The following SORCS2 variants were observed in gnomAD, a reference collection of about 807,000 sequenced individuals.
SORCS2 encodes the protein VPS10 domain-containing receptor SorCS2.
Under a neutral mutation model 141.6 loss-of-function variants are expected in SORCS2, and 100 were observed. The observed-to-expected ratio is 0.71, with a 90% CI of 0.60 to 0.83. The LOEUF is 0.83. Ranked by LOEUF, SORCS2 falls within the 40% of genes least tolerant of loss-of-function variation. The probability of loss-of-function intolerance (pLI) is 0.00; values close to 1 mark genes in which losing one functional copy is unlikely to be tolerated. For synonymous variants in SORCS2, 789 were observed against 676.9 expected, an observed-to-expected ratio of 1.17 and a Z score of -2.57; for missense variants, 1,646 against 1,560.2, an observed-to-expected ratio of 1.05 and a Z score of -0.93.
intron 2 of SORCS2, among the ~76,000 whole-genome samples, chr4:7,531,049 G>C (rs1373821342): frequency 6.6e-6 from 1 of 152,212 alleles, no homozygotes; most frequent in African/African-American, 2.4e-5. Context: ...GAGAGGGAAA[G>C]AGGCAAGCAG....
intron 3 of SORCS2, among the ~76,000 whole-genome samples, chr4:7,612,209 T>C (rs1211391438): frequency 6.6e-6 from 1 of 151,842 alleles, no homozygotes; most frequent in Non-Finnish European, 1.5e-5. Context: ...CTGAAAACAA[T>C]GAGATCACTC....
intron 1 of SORCS2, among the ~76,000 whole-genome samples, chr4:7,387,622 C>G (rs1467674477): frequency 6.9e-6 from 1 of 143,926 alleles, no homozygotes; most frequent in Non-Finnish European, 1.5e-5. Context: ...CACACATACA[C>G]ATTTGCACAC....
chr4:7,244,127 G>A (rs1443402712), intron 1 of SORCS2, among the ~76,000 whole-genome samples: 1 of 152,214 alleles, frequency 6.6e-6, no homozygotes, highest in Non-Finnish European at 1.5e-5. Context: ...GAAGCACATA[G>A]GAAGGGGCGG....
chr4:7,249,060 A>T (rs1687366595), intron 1 of SORCS2, among the ~76,000 whole-genome samples: 1 of 152,260 alleles, frequency 6.6e-6, no homozygotes, highest in African/African-American at 2.4e-5. Flanking sequence ...TGCAGTAACA[A>T]ACAGCCCCAA....
chr4:7,200,562 T>G (rs1727432294), intron 1 of SORCS2, among the ~76,000 whole-genome samples: 1 of 152,248 alleles, frequency 6.6e-6, no homozygotes, highest in Non-Finnish European at 1.5e-5. Context: ...TATTTGTATT[T>G]TATTTATATG....
At chr4:7,410,682 C>A (rs1725244018) in intron 2 of SORCS2, among the ~76,000 whole-genome samples, 1 of 152,232 alleles carries the variant, frequency 6.6e-6, no homozygotes, top group African/African-American at 2.4e-5. Context: ...GCTTTAACAT[C>A]ACCATGGAGA....
chr4:7,323,499 C>T (rs1002019397), intron 1 of SORCS2, among the ~76,000 whole-genome samples: 1 of 152,170 alleles, frequency 6.6e-6, no homozygotes, highest in African/African-American at 2.4e-5. Context: ...CTCCCACACC[C>T]ATGGCTCTGA....
At position 7,676,037 on chromosome 4, in the gene SORCS2, C is replaced by A. The variant is rs1723083984; in HGVS notation, c.1162-13C>A. On this transcript the variant is annotated splice_polypyrimidine_tract_variant and intron_variant, in intron 8 of 26. Transcript: ENST00000507866. ...CCTGGCTCTGACCCTGTGCTCCCTG[C>A]ACATCCCCACAGGATCTGCAGATCA... 2 of 1,569,298 alleles carry A rather than the reference C, an allele frequency of 1.3e-6. No individual in the cohort carries two copies. The highest frequency in any genetic ancestry group is 4.7e-5 in the East Asian group (2 of 42,236).
Position 7,476,776 on chromosome 4 carries a change from C to T in SORCS2, c.549-54754C>T, listed in dbSNP as rs557208430. On this transcript the variant is annotated intron_variant, in intron 2 of 26. Coordinates refer to ENST00000507866, the MANE Select transcript of SORCS2 (RefSeq NM_020777.3). ...GGCCCAGCACCTGCTCCACGCTCTCCCTCTGCTTCCATTTTCTCCACGACT... is the reference window on the plus strand; with the variant it reads ...GGCCCAGCACCTGCTCCACGCTCTCTCTCTGCTTCCATTTTCTCCACGACT... 9.8e-5 allele frequency among the ~76,000 whole-genome samples: 15 copies of T among 152,302 alleles called. No homozygotes were observed. In the South Asian group the frequency reaches 2.5e-3, roughly 25 times the overall value.
intron 3 of SORCS2, among the ~76,000 whole-genome samples, chr4:7,607,168 C>A (rs1045747811): frequency 6.6e-6 from 1 of 152,198 alleles, no homozygotes; most frequent in Non-Finnish European, 1.5e-5. Flanking sequence ...GCTTATGAAG[C>A]TGCAGGTTCC....
intron 19 of SORCS2, among the ~76,000 whole-genome samples, chr4:7,724,612 CTGGTG>C (rs1726973456): frequency 2.2e-5 from 1 of 45,672 alleles, no homozygotes; most frequent in Non-Finnish European, 4.0e-5. Flanking sequence ...GGTGATAGTG[CTGGTG>C]AGGATGGTGA....
intron 3 of SORCS2, among the ~76,000 whole-genome samples, chr4:7,551,011 C>T (rs1341246308): frequency 6.6e-6 from 1 of 152,212 alleles, no homozygotes; most frequent in African/African-American, 2.4e-5. Flanking sequence ...CAAAAGGGTG[C>T]AGTGACCGCT....
intron 1 of SORCS2, among the ~76,000 whole-genome samples, chr4:7,383,054 C>T (rs1723085676): frequency 6.6e-6 from 1 of 152,158 alleles, no homozygotes; most frequent in Non-Finnish European, 1.5e-5. Context: ...GCCATGAAGA[C>T]TCCAGCGCTT....
At chr4:7,306,671 G>T (rs1030990352) in intron 1 of SORCS2, among the ~76,000 whole-genome samples, 16 of 152,174 alleles carry the variant, frequency 1.1e-4, no homozygotes, top group African/African-American at 3.9e-4. Flanking sequence ...GAAGGAGGGT[G>T]GGAAGTGCTC....
intron 24 of SORCS2, among the ~76,000 whole-genome samples, chr4:7,733,625 C>A (rs757506509): frequency 9.2e-5 from 14 of 152,340 alleles, no homozygotes; most frequent in Non-Finnish European, 1.3e-4. Flanking sequence ...ACTGCTCTTA[C>A]CTGATACCCA....
At chr4:7,325,865 A>T (rs1290680398) in intron 1 of SORCS2, among the ~76,000 whole-genome samples, 1 of 152,134 alleles carries the variant, frequency 6.6e-6, no homozygotes, top group Non-Finnish European at 1.5e-5. Context: ...ATAGGCAGTG[A>T]TAACCCAGCG....
intron 5 of SORCS2, among the ~76,000 whole-genome samples, chr4:7,659,556 G>A (rs1722020786): frequency 6.6e-6 from 1 of 152,238 alleles, no homozygotes; most frequent in African/African-American, 2.4e-5. Flanking sequence ...TGCCAACCCT[G>A]AGCAGCAGCC....
At chr4:7,723,355 G>A (rs1018146572) in intron 18 of SORCS2, among the ~76,000 whole-genome samples, 2 of 152,114 alleles carry the variant, frequency 1.3e-5, no homozygotes, top group African/African-American at 4.8e-5. Context: ...CCCTAGCACG[G>A]GCCTCTGTGG....
intron 1 of SORCS2, among the ~76,000 whole-genome samples, chr4:7,293,354 G>T (rs1716742832): frequency 6.6e-6 from 1 of 150,494 alleles, no homozygotes; most frequent in Non-Finnish European, 1.5e-5. Flanking sequence ...CACCACCTTT[G>T]TCCCCTGACC....
Sources: allele counts gnomAD v4.1 joint callset (sites outside exome capture counted in the v4.1 genomes callset), GRCh38; gene constraint gnomAD v4.1.1; transcripts MANE v1.5; gene names NCBI Gene and HGNC (gene_info 2026-07-23, HGNC 2026-07-21).